MED30: variants seen among roughly 807,000 people sequenced by gnomAD.
The protein encoded by MED30 is mediator complex subunit 30.
Under a neutral mutation model 21.7 loss-of-function variants are expected in MED30, and 8 were observed. The observed-to-expected ratio is 0.37, with a 90% CI of 0.22 to 0.67. The LOEUF is 0.67. MED30 is among the 30% of genes least tolerant of loss of function. The pLI, the probability that MED30 is intolerant of heterozygous loss-of-function variation, is 0.58. For missense variants in MED30, 203 were observed against 228.2 expected (o/e 0.89, Z 0.71); for synonymous variants, 79 against 86.7 (o/e 0.91, Z 0.49).
chr8:117,538,503 T>C (rs1245929736), intron 3 of MED30, among the ~76,000 whole-genome samples: 2 of 152,162 alleles, frequency 1.3e-5, no homozygotes, highest in Admixed American at 1.3e-4. Context: ...TTTAATGAAA[T>C]CAAAAGTAAG....
chr8:117,536,530 C>T (rs1266616852), intron 3 of MED30, among the ~76,000 whole-genome samples: 1 of 152,018 alleles, frequency 6.6e-6, no homozygotes, highest in African/African-American at 2.4e-5. Flanking sequence ...TGCAGAAGAA[C>T]ATATTGATGG....
At chr8:117,523,495 A>G (rs1314019558) in intron 1 of MED30, 11 of 1,591,796 alleles carry the variant, frequency 6.9e-6, no homozygotes, top group East Asian at 2.2e-5. Context: ...GGCAGGAACA[A>G]TCTCCGGGGG....
chr8:117,530,247 A>G (rs959247311), intron 2 of MED30: 8 of 152,068 alleles, frequency 5.3e-5, no homozygotes, highest in African/African-American at 1.9e-4. Flanking sequence ...AATGACAATT[A>G]TATAATACAG....
At chr8:117,533,296 CA>C (rs980007949) in intron 3 of MED30, among the ~76,000 whole-genome samples, 95 of 144,536 alleles carry the variant, frequency 6.6e-4, no homozygotes, top group Middle Eastern at 3.5e-3. Flanking sequence ...AGCATGTAAC[CA>C]AAAAAAAAAA....
chr8:117,535,761 C>CT (rs937654841), intron 3 of MED30, among the ~76,000 whole-genome samples: 17 of 150,542 alleles, frequency 1.1e-4, no homozygotes, highest in East Asian at 7.8e-4. Context: ...TATAGGTTTG[C>CT]TTTTTTTTTA....
At position 117,523,272 on chromosome 8, in the gene MED30, T is replaced by G. The variant is rs189271307; in HGVS notation, c.177+2219T>G. 4,189 of 1,135,430 alleles carry G rather than the reference T, an allele frequency of 3.7e-3. 72 individuals are homozygous for G. The Admixed American group carries it at 0.044, about 12-fold the overall frequency. 70.3% of individuals were successfully genotyped at this position (1,135,430 alleles called of 1,614,324 possible). A position where few individuals can be genotyped will look rare whatever the true frequency, so the allele number is the denominator to read the frequency against. Reference sequence around the variant, plus strand: ...ATAATCCTCTCCAATTTTACTGAGGTGGCTGACCATGTCCACGACCAAATC... The same window carrying G: ...ATAATCCTCTCCAATTTTACTGAGGGGGCTGACCATGTCCACGACCAAATC... On this transcript the variant is annotated intron_variant, in intron 1 of 3. Coordinates refer to ENST00000297347, the MANE Select transcript of MED30 (RefSeq NM_080651.4).
chr8:117,539,587 A>G (rs1818943560), intron 3 of MED30, among the ~76,000 whole-genome samples: 1 of 152,138 alleles, frequency 6.6e-6, no homozygotes, highest in African/African-American at 2.4e-5. Context: ...CTTATGTTTT[A>G]TAACAAATAA....
At chr8:117,523,305 A>G in intron 1 of MED30, 1 of 1,358,076 alleles carries the variant, frequency 7.4e-7, no homozygotes. Context: ...ATCCGCCTCT[A>G]AACTGGAATT....
chr8:117,521,083 G>A (rs375761458), intron 1 of MED30, 30 bp downstream of exon 1: 5 of 1,553,406 alleles, frequency 3.2e-6, no homozygotes, highest in Admixed American at 1.9e-5. Context: ...AGGCCAGGGG[G>A]ATGCAGCTGG....
At chr8:117,538,012 CTTGA>C (rs988011286) in intron 3 of MED30, among the ~76,000 whole-genome samples, 1 of 152,178 alleles carries the variant, frequency 6.6e-6, no homozygotes, top group Non-Finnish European at 1.5e-5. Flanking sequence ...TGCTGCTACT[CTTGA>C]TTGCTGGCAG....
At chr8:117,534,470 C>G (rs573081794) in intron 3 of MED30, among the ~76,000 whole-genome samples, 1 of 152,096 alleles carries the variant, frequency 6.6e-6, no homozygotes, top group Non-Finnish European at 1.5e-5. Flanking sequence ...TGGATCTGTT[C>G]TAAGTGCTTT....
intron 1 of MED30, among the ~76,000 whole-genome samples, chr8:117,526,709 T>A (rs752118621): frequency 7.2e-5 from 11 of 151,972 alleles, no homozygotes; most frequent in Non-Finnish European, 1.3e-4. Flanking sequence ...TACTGCTCTA[T>A]CCTAGCTTCT....
chr8:117,525,162 C>A (rs1586860613), intron 1 of MED30, among the ~76,000 whole-genome samples: 2 of 151,592 alleles, frequency 1.3e-5, no homozygotes, highest in South Asian at 4.1e-4. Context: ...ATTTATGCTA[C>A]GGCCTAAGAC....
rs541857547 is a variant in MED30 at position 117,523,474 on chromosome 8, C to T, written c.177+2421C>T. 1.6e-5 allele frequency: 26 copies of T among 1,584,424 alleles called. No homozygotes were observed. The East Asian group carries it at 3.8e-4, about 23-fold the overall frequency. ...AGGCCTGCCAGTCTCTGGACGGCTGCGGCGTAGGGTGGCAGGAACAATCTC... is the reference window on the plus strand; with the variant it reads ...AGGCCTGCCAGTCTCTGGACGGCTGTGGCGTAGGGTGGCAGGAACAATCTC... On this transcript the variant is annotated intron_variant, in intron 1 of 3. Coordinates refer to ENST00000297347, the MANE Select transcript of MED30 (RefSeq NM_080651.4).
chr8:117,521,506 G>A (rs1318830479), intron 1 of MED30, among the ~76,000 whole-genome samples: 1 of 152,032 alleles, frequency 6.6e-6, no homozygotes, highest in Middle Eastern at 3.2e-3. Context: ...ATATATATGT[G>A]TACTGTAGTC....
intron 3 of MED30, among the ~76,000 whole-genome samples, chr8:117,534,872 A>T (rs1225249929): frequency 1.8e-5 from 1 of 55,816 alleles, no homozygotes; most frequent in Non-Finnish European, 4.4e-5. Context: ...TTTTTTTACC[A>T]AAAGGGCTTT....
chr8:117,539,806 CTT>C, intron 3 of MED30, 75 bp from the exon 4 acceptor site: 3 of 850,334 alleles, frequency 3.5e-6, no homozygotes, highest in Non-Finnish European at 5.7e-6. Context: ...ATAATCCTAA[CTT>C]ATGATATTTT....
At position 117,522,457 on chromosome 8, in the gene MED30, C is replaced by T. The variant is rs1818641078; in HGVS notation, c.177+1404C>T. ...TTTGCTGACCCATTTTTAATGCTTG[C>T]TTATATTACCCACTACATGTAGTAG... On this transcript the variant is annotated intron_variant, in intron 1 of 3. Coordinates refer to ENST00000297347, the MANE Select transcript of MED30 (RefSeq NM_080651.4). Among the ~76,000 whole-genome samples, 3 of 152,108 alleles carry T rather than the reference C, an allele frequency of 2.0e-5. No individual in the cohort carries two copies. The South Asian group carries it at 6.2e-4, about 32-fold the overall frequency.
chr8:117,539,401 A>C (rs992320540), intron 3 of MED30, among the ~76,000 whole-genome samples: 7 of 152,072 alleles, frequency 4.6e-5, no homozygotes, highest in African/African-American at 1.7e-4. Context: ...GAAGCAGGAG[A>C]ATCGCTGAAA....
Sources: gnomAD v4.1 joint callset for allele counts (sites outside exome capture counted in the v4.1 genomes callset) on GRCh38, gnomAD v4.1.1 for gene constraint, MANE v1.5 for transcripts, NCBI Gene and HGNC (gene_info 2026-07-23, HGNC 2026-07-21) for gene names.